RNF7: variants seen among roughly 807,000 people sequenced by gnomAD.
The protein encoded by RNF7 is RING-box protein 2.
In RNF7, 9 loss-of-function variants were observed where a neutral mutation model predicts 17.0. The ratio of observed to expected loss-of-function variants is 0.53; its 90% CI spans 0.32 to 0.92. RNF7 has a LOEUF of 0.92. Ranked by LOEUF, RNF7 falls within the 40% of genes least tolerant of loss-of-function variation. RNF7 has a pLI of 0.04. For missense variants in RNF7, 87 were observed against 145.8 expected (o/e 0.60, Z 2.08); for synonymous variants, 59 against 50.5 (o/e 1.17, Z -0.72).
intron 1 of RNF7, 109 bp downstream of exon 1, chr3:141,738,625 G>C: frequency 9.2e-6 from 11 of 1,192,450 alleles, no homozygotes; most frequent in Non-Finnish European, 1.2e-5. Flanking sequence ...CCCTGCCTGG[G>C]AGAGTGGGTG....
chr3:141,738,307 G>A lies in RNF7; in HGVS notation c.-35G>A, dbSNP rs1261264082. The A allele has an allele frequency of 7.3e-7, 1 of 1,363,140 alleles. No homozygotes were observed. The highest frequency in any genetic ancestry group is 2.2e-5 in the Admixed American group (1 of 44,872). 84.4% of individuals were successfully genotyped at this position (1,363,140 alleles called of 1,614,324 possible). Reference sequence around the variant, plus strand: ...CGCCCTAGCCTTCCGCCTTCCCCAAGCCAACGTCTCCGCCGTCGGCTCCGC... The same window carrying A: ...CGCCCTAGCCTTCCGCCTTCCCCAAACCAACGTCTCCGCCGTCGGCTCCGC... On this transcript the variant is annotated 5_prime_UTR_variant, in exon 1 of 3. Coordinates refer to ENST00000273480, the MANE Select transcript of RNF7 (RefSeq NM_014245.5).
At position 141,742,940 on chromosome 3, in the gene RNF7, T is replaced by G. The variant is rs187047041; in HGVS notation, c.176-569T>G. The G allele has an allele frequency of 3.8e-4, 386 of 1,022,820 alleles. 1 individual carries two copies. Among genetic ancestry groups the G allele is most frequent in the Non-Finnish European group, 4.1e-4 (351 of 848,566 alleles). The allele number at this position is 1,022,820 out of a possible 1,614,324, so 63.4% of individuals were successfully genotyped here. A position where few individuals can be genotyped will look rare whatever the true frequency, so the allele number is the denominator to read the frequency against. ...TGGATGACTTTAAAAAACTTGTTTATGAAGCAATTTTTTAATTTAATTTTT... is the reference window on the plus strand; with the variant it reads ...TGGATGACTTTAAAAAACTTGTTTAGGAAGCAATTTTTTAATTTAATTTTT... On this transcript the variant is annotated intron_variant, in intron 1 of 2. Transcript: ENST00000273480.
intron 1 of RNF7, among the ~76,000 whole-genome samples, chr3:141,742,197 C>T (rs183910645): frequency 6.8e-6 from 1 of 147,324 alleles, no homozygotes; most frequent in East Asian, 2.0e-4. Flanking sequence ...GCCATGTGTT[C>T]TCATCATTTA....
At position 141,741,974 on chromosome 3, in the gene RNF7, TTTTC is replaced by T. The variant is rs577512116; in HGVS notation, c.176-1523_176-1520del. ...TACTTTGGGCTCAGACTTATCTGTA[TTTTC>T]TTTCTTTCTTTTTTTTTTTAAAAAA... On this transcript the variant is annotated intron_variant, in intron 1 of 2. Transcript: ENST00000273480. Among the ~76,000 whole-genome samples the T allele has an allele frequency of 2.7e-3, 416 of 152,098 alleles. 3 individuals carry two copies. The highest frequency in any genetic ancestry group is 5.0e-3 in the African/African-American group (207 of 41,516).
At chr3:141,744,243 G>C (rs757464617) in intron 2 of RNF7, among the ~76,000 whole-genome samples, 3 of 152,156 alleles carry the variant, frequency 2.0e-5, no homozygotes, top group Admixed American at 6.5e-5. Flanking sequence ...GATTCTTGCA[G>C]TTTTGATCCA....
chr3:141,745,388 C>T lies in RNF7; in HGVS notation c.*111C>T. 3.2e-6 allele frequency: 2 copies of T among 634,680 alleles called. No homozygotes were observed. Among genetic ancestry groups the T allele is most frequent in the Non-Finnish European group, 5.5e-6 (2 of 362,462 alleles). The allele number at this position is 634,680 out of a possible 1,614,324, so 39.3% of individuals were successfully genotyped here. ...AGGGGATGAATTCTTCAAATAGGAG[C>T]CGATGGATCTGTGGTCCTTTGGGAC... On this transcript the variant is annotated 3_prime_UTR_variant, in exon 3 of 3. Transcript: ENST00000273480.
chr3:141,741,971 G>A (rs2084422084), intron 1 of RNF7, among the ~76,000 whole-genome samples: 2 of 151,578 alleles, frequency 1.3e-5, no homozygotes, highest in Non-Finnish European at 2.9e-5. Flanking sequence ...AGACTTATCT[G>A]TATTTTCTTT....
intron 1 of RNF7, among the ~76,000 whole-genome samples, chr3:141,740,571 T>A (rs949034205): frequency 6.6e-6 from 1 of 152,234 alleles, no homozygotes; most frequent in Non-Finnish European, 1.5e-5. Flanking sequence ...GCTAGACCTT[T>A]GTATTTTGTT....
At chr3:141,740,113 A>G (rs1397675310) in intron 1 of RNF7, among the ~76,000 whole-genome samples, 1 of 151,190 alleles carries the variant, frequency 6.6e-6, no homozygotes, top group Admixed American at 6.6e-5. Context: ...CCCTACCCCC[A>G]CTTAGGAATC....
rs1036300361 is a variant in RNF7, at chr3:141,747,061, T to C, written c.*1784T>C. 3.3e-5 allele frequency: 5 copies of C among 152,226 alleles called. No homozygotes were observed. The highest frequency in any genetic ancestry group is 1.3e-4 in the Admixed American group (2 of 15,288). 9.4% of individuals were successfully genotyped at this position (152,226 alleles called of 1,614,324 possible). A position where few individuals can be genotyped will look rare whatever the true frequency, so the allele number is the denominator to read the frequency against. ...CAGGTTACTTTAGGCAGTGTGACAG[T>C]ATATAAATGAAATGTGGAGGATGGT... is the stretch of plus-strand genomic sequence containing the variant. On this transcript the variant is annotated 3_prime_UTR_variant, in exon 3 of 3. Coordinates refer to ENST00000273480, the MANE Select transcript of RNF7 (RefSeq NM_014245.5).
At chr3:141,742,590 G>A (rs941027374) in intron 1 of RNF7, 2 of 1,158,638 alleles carry the variant, frequency 1.7e-6, no homozygotes, top group Non-Finnish European at 1.1e-6. Flanking sequence ...TCACCAGTTT[G>A]TATCATCCCC....
At chr3:141,739,888 T>C (rs1879284) in intron 1 of RNF7, among the ~76,000 whole-genome samples, 9,850 of 152,044 alleles carry the variant, frequency 0.065, 317 homozygotes, top group South Asian at 0.11. Context: ...AATAAAAAGC[T>C]GACCAGGCAT....
Position 141,745,846 on chromosome 3 carries a change from A to G in RNF7, c.*569A>G, listed in dbSNP as rs2084466153. 1 of 152,182 alleles carries G rather than the reference A, an allele frequency of 6.6e-6. No individual in the cohort carries two copies. The highest frequency in any genetic ancestry group is 1.5e-5 in the Non-Finnish European group (1 of 68,066). 9.4% of individuals were successfully genotyped at this position (152,182 alleles called of 1,614,324 possible). ...TAACTTTTGAGCATATGGAATTTTG[A>G]TTGCCTTTAAAGTTACTATTCTGTA... On this transcript the variant is annotated 3_prime_UTR_variant, in exon 3 of 3. Coordinates refer to ENST00000273480, the MANE Select transcript of RNF7 (RefSeq NM_014245.5).
At position 141,746,649 on chromosome 3, in the gene RNF7, T is replaced by C. The variant is rs2107861055; in HGVS notation, c.*1372T>C. On this transcript the variant is annotated 3_prime_UTR_variant, in exon 3 of 3. Coordinates refer to ENST00000273480, the MANE Select transcript of RNF7 (RefSeq NM_014245.5). ...TGTATTCTTCTGTAGTAGAGGCTAC[T>C]GATATGAATTTAAGAAAAAACCTTA... 2 of 152,322 alleles carry C rather than the reference T, an allele frequency of 1.3e-5. No homozygotes were observed. Among genetic ancestry groups the C allele is most frequent in the South Asian group, 4.1e-4 (2 of 4,824 alleles). 9.4% of individuals were successfully genotyped at this position (152,322 alleles called of 1,614,324 possible).
chr3:141,743,192 G>A (rs1016831700), intron 1 of RNF7, among the ~76,000 whole-genome samples: 1 of 152,062 alleles, frequency 6.6e-6, no homozygotes, highest in African/African-American at 2.4e-5. Context: ...CCCAGTAAGC[G>A]TATGGTAACT....
intron 1 of RNF7, among the ~76,000 whole-genome samples, chr3:141,738,907 A>G (rs1055685840): frequency 1.3e-5 from 2 of 152,234 alleles, no homozygotes; most frequent in Non-Finnish European, 2.9e-5. Flanking sequence ...CCCCACCTCT[A>G]AAAGCTCAAC....
At chr3:141,744,743 A>T (rs2084455062) in intron 2 of RNF7, among the ~76,000 whole-genome samples, 1 of 152,244 alleles carries the variant, frequency 6.6e-6, no homozygotes, top group Admixed American at 6.5e-5. Flanking sequence ...CATACTAAAA[A>T]CATTTACAAC....
Position 141,738,437 on chromosome 3 carries a change from C to G in RNF7, c.96C>G (p.Leu32=). The change falls in exon 1 of 3, where the codon CTC becomes CTG. Residue 32 remains leucine, a synonymous_variant. Coordinates refer to ENST00000273480, the MANE Select transcript of RNF7 (RefSeq NM_014245.5). The part of the protein sequence containing the change: ...SKSGGDKMFS[L]KKWNAVAMWS... Reference sequence around the variant, plus strand: ...CGGGAGGCGACAAGATGTTCTCCCTCAAGAAGTGGAACGCGGTGGCCATGT... The same window carrying G: ...CGGGAGGCGACAAGATGTTCTCCCTGAAGAAGTGGAACGCGGTGGCCATGT... The G allele has an allele frequency of 1.2e-6, 2 of 1,613,430 alleles. No individual in the cohort carries two copies. Among genetic ancestry groups the G allele is most frequent in the Admixed American group, 3.3e-5 (2 of 59,988 alleles).
intron 2 of RNF7, 80 bp from the exon 3 acceptor site, chr3:141,745,079 A>C: frequency 1.2e-6 from 1 of 809,532 alleles, no homozygotes; most frequent in South Asian, 1.8e-5. Context: ...TATTATTTGT[A>C]ATATAAAATA....
Sources: allele counts gnomAD v4.1 joint callset (sites outside exome capture counted in the v4.1 genomes callset), GRCh38; gene constraint gnomAD v4.1.1; transcripts MANE v1.5; gene names NCBI Gene and HGNC (gene_info 2026-07-23, HGNC 2026-07-21).